RPL5: variants seen among roughly 807,000 people sequenced by gnomAD.
The protein encoded by RPL5 is ribosomal protein L5.
Under a neutral mutation model 38.4 loss-of-function variants are expected in RPL5, and 1 was observed. The observed-to-expected ratio is 0.03, with a 90% CI of 0.01 to 0.12. The LOEUF (loss-of-function observed/expected upper bound fraction) is 0.12, where lower values mean the gene tolerates loss of function less well. Among genes scored for constraint, RPL5 ranks in the 10% least tolerant of loss-of-function variants. The pLI, the probability that RPL5 is intolerant of heterozygous loss-of-function variation, is 1.00. For synonymous variants in RPL5, 109 were observed against 121.2 expected, an observed-to-expected ratio of 0.90 and a Z score of 0.66; for missense variants, 243 against 374.1, an observed-to-expected ratio of 0.65 and a Z score of 2.89.
intron 4 of RPL5, among the ~76,000 whole-genome samples, chr1:92,835,973 T>C (rs1687108819): frequency 2.0e-5 from 3 of 152,148 alleles, no homozygotes; most frequent in Admixed American, 6.5e-5. Flanking sequence ...GCAAAAGTCA[T>C]AAAACAAAAT....
At position 92,832,058 on chromosome 1, in the gene RPL5, C is replaced by G. The variant is rs1393818614; in HGVS notation, c.-57C>G. Reference sequence around the variant, plus strand: ...CTGTGGCCCTTTTCCCACCCCCTAGCGCCGCTGGGCCTGCAGGTCTCTGTC... The same window carrying G: ...CTGTGGCCCTTTTCCCACCCCCTAGGGCCGCTGGGCCTGCAGGTCTCTGTC... On this transcript the variant is annotated 5_prime_UTR_variant, in exon 1 of 8. Transcript: ENST00000370321. 5 of 1,611,670 alleles carry G rather than the reference C, an allele frequency of 3.1e-6. No homozygotes were observed. Among genetic ancestry groups the G allele is most frequent in the South Asian group, 1.1e-5 (1 of 90,668 alleles).
chr1:92,832,249 G>A (rs1266777175), intron 1 of RPL5, 132 bp downstream of exon 1: 7 of 1,423,376 alleles, frequency 4.9e-6, no homozygotes, highest in African/African-American at 4.2e-5. Flanking sequence ...TGACTTGGTC[G>A]AGGTGCAGTT....
At chr1:92,839,156 C>G (rs551301031) in intron 6 of RPL5, among the ~76,000 whole-genome samples, 1 of 149,970 alleles carries the variant, frequency 6.7e-6, no homozygotes, top group East Asian at 2.0e-4. Flanking sequence ...GTCAGGAGTT[C>G]GAGACCAGCC....
chr1:92,833,490 A>G lies in RPL5; in HGVS notation c.73+32A>G, dbSNP rs754413727. The G allele has an allele frequency of 3.1e-6, 5 of 1,612,954 alleles. No individual in the cohort carries two copies. In the South Asian group the frequency reaches 3.3e-5, roughly 11 times the overall value. ...TCACCTTTTTGTGTTTACAATATTA[A>G]TCTGCTTTGCAGATGCAGTGGAGTA... On this transcript the variant is annotated intron_variant, in intron 2 of 7. Transcript: ENST00000370321.
At chr1:92,833,827 A>G (rs896374278) in intron 3 of RPL5, 167 bp downstream of exon 3, 7 of 625,372 alleles carry the variant, frequency 1.1e-5, no homozygotes, top group Admixed American at 2.8e-5. Context: ...GGAACTTGGT[A>G]CTTTAAAAAA....
chr1:92,841,307 C>G (rs1687354482), intron 7 of RPL5, among the ~76,000 whole-genome samples: 1 of 152,116 alleles, frequency 6.6e-6, no homozygotes, highest in Non-Finnish European at 1.5e-5. Context: ...TTTCACTGAG[C>G]ACAATATTCT....
chr1:92,832,718 C>T (rs564805164), intron 1 of RPL5: 25 of 408,462 alleles, frequency 6.1e-5, no homozygotes, highest in Non-Finnish European at 1.0e-4. Flanking sequence ...CTCTAGAGTC[C>T]GTCGCCGGAT....
At chr1:92,832,292 G>A (rs1235496555) in intron 1 of RPL5, 175 bp downstream of exon 1, 35 of 998,730 alleles carry the variant, frequency 3.5e-5, no homozygotes, top group Non-Finnish European at 9.2e-6. Context: ...GCCGCCCGGT[G>A]CGCGAACTTG....
Position 92,833,677 on chromosome 1 carries a change from A to G in RPL5, c.189+17A>G. ...ATTTGTCAGGTAAGTTGTATTCTAG[A>G]CAGTCCCCTTTTTTTATTGCTAGAG... On this transcript the variant is annotated intron_variant, in intron 3 of 7. Coordinates refer to ENST00000370321, the MANE Select transcript of RPL5 (RefSeq NM_000969.5). The G allele has an allele frequency of 6.3e-7, 1 of 1,587,438 alleles. No homozygotes were observed. The highest frequency in any genetic ancestry group is 1.7e-5 in the Admixed American group (1 of 59,984).
chr1:92,833,421 C>T lies in RPL5; in HGVS notation c.36C>T (p.Tyr12=). ...TTAAAGTTGTTAAGAATAAGGCCTA[C>T]TTTAAGAGATACCAAGTGAAATTTA... The part of the protein sequence containing the change: ...GFVKVVKNKA[Y]FKRYQVKFRR... Residue 12 remains tyrosine, a synonymous_variant, in exon 2 of 8, where the codon TAC becomes TAT. Transcript: ENST00000370321. 1 of 1,613,970 alleles carries T rather than the reference C, an allele frequency of 6.2e-7. No individual in the cohort carries two copies. Among genetic ancestry groups the T allele is most frequent in the Non-Finnish European group, 8.5e-7 (1 of 1,179,880 alleles).
intron 4 of RPL5, among the ~76,000 whole-genome samples, chr1:92,835,699 G>A (rs1307510034): frequency 1.3e-5 from 2 of 151,380 alleles, no homozygotes; most frequent in African/African-American, 4.8e-5. Flanking sequence ...TAGTGTTTTG[G>A]AGAGTGGCCA....
At chr1:92,833,094 A>G in intron 1 of RPL5, 6 of 705,824 alleles carry the variant, frequency 8.5e-6, no homozygotes, top group South Asian at 7.4e-5. Flanking sequence ...CAATATAACA[A>G]TAATTTTATA....
intron 3 of RPL5, chr1:92,833,996 T>A: frequency 3.0e-6 from 1 of 332,008 alleles, no homozygotes; most frequent in Non-Finnish European, 5.8e-6. Context: ...TAGTCCCAGC[T>A]ACTCAGTGGG....
chr1:92,838,695 C>G (rs2100691399), intron 6 of RPL5, among the ~76,000 whole-genome samples: 1 of 152,330 alleles, frequency 6.6e-6, no homozygotes, highest in Non-Finnish European at 1.5e-5. Flanking sequence ...CAGGCATTAT[C>G]TACATGTCTG....
At chr1:92,840,917 G>T in intron 7 of RPL5, 2 of 544,772 alleles carry the variant, frequency 3.7e-6, no homozygotes, top group Non-Finnish European at 7.0e-6. Flanking sequence ...TTCATGTTTT[G>T]ATCTTTAAAT....
chr1:92,833,354 C>A, intron 1 of RPL5, 35 bp from the exon 2 acceptor site: 1 of 1,511,990 alleles, frequency 6.6e-7, no homozygotes, highest in Non-Finnish European at 9.2e-7. Flanking sequence ...TAGGCTAAGA[C>A]ATCAAAGTTT....
At chr1:92,839,309 G>A (rs994713474) in intron 6 of RPL5, among the ~76,000 whole-genome samples, 2 of 151,994 alleles carry the variant, frequency 1.3e-5, no homozygotes, top group African/African-American at 4.8e-5. Flanking sequence ...CACTGAGCTG[G>A]GATCGCGCTA....
chr1:92,839,894 G>A (rs919940055), intron 6 of RPL5, among the ~76,000 whole-genome samples: 3 of 151,598 alleles, frequency 2.0e-5, no homozygotes, highest in African/African-American at 7.3e-5. Context: ...GGGCTGGGGT[G>A]CAATGGCACA....
intron 5 of RPL5, chr1:92,837,185 T>C: frequency 1.7e-6 from 1 of 595,516 alleles, no homozygotes; most frequent in Non-Finnish European, 3.1e-6. Context: ...CCTGTGCTGA[T>C]GTGCTGGATG....
Sources: gnomAD v4.1 joint callset for allele counts (sites outside exome capture counted in the v4.1 genomes callset) on GRCh38, gnomAD v4.1.1 for gene constraint, MANE v1.5 for transcripts, NCBI Gene and HGNC (gene_info 2026-07-23, HGNC 2026-07-21) for gene names.